FBXL7: variants seen among roughly 807,000 people sequenced by gnomAD.
FBXL7 encodes F-box/LRR-repeat protein 7.
Under a neutral mutation model 38.3 loss-of-function variants are expected in FBXL7, and 12 were observed. The observed-to-expected ratio is 0.31, with a 90% CI of 0.20 to 0.51. FBXL7 has a LOEUF of 0.51. Ranked by LOEUF, FBXL7 falls within the 20% of genes least tolerant of loss-of-function variation. The pLI, the probability that FBXL7 is intolerant of heterozygous loss-of-function variation, is 0.98. For missense variants in FBXL7, 567 were observed against 676.4 expected (o/e 0.84, Z 1.79); for synonymous variants, 297 against 300.9 (o/e 0.99, Z 0.13).
intron 2 of FBXL7, among the ~76,000 whole-genome samples, chr5:15,852,591 C>T (rs1370570139): frequency 6.6e-6 from 1 of 151,894 alleles, no homozygotes; most frequent in Non-Finnish European, 1.5e-5. Flanking sequence ...GACATGAAAC[C>T]TTTTGGTATT....
At chr5:15,554,684 A>G (rs1022028570) in intron 1 of FBXL7, among the ~76,000 whole-genome samples, 18 of 152,172 alleles carry the variant, frequency 1.2e-4, no homozygotes, top group Admixed American at 1.1e-3. Flanking sequence ...CAGCATTTCT[A>G]CCAGACCTCC....
intron 2 of FBXL7, among the ~76,000 whole-genome samples, chr5:15,693,560 C>T (rs1482812314): frequency 6.6e-6 from 1 of 152,160 alleles, no homozygotes; most frequent in Non-Finnish European, 1.5e-5. Context: ...TGAGAATAGG[C>T]ACTCTTGTTT....
chr5:15,893,302 A>G (rs1740988131), intron 2 of FBXL7, among the ~76,000 whole-genome samples: 1 of 152,180 alleles, frequency 6.6e-6, no homozygotes, highest in South Asian at 2.1e-4. Context: ...ACAATTGGCA[A>G]ACTCTTTCAA....
chr5:15,768,969 GA>G (rs778500352), intron 2 of FBXL7, among the ~76,000 whole-genome samples: 6 of 152,322 alleles, frequency 3.9e-5, no homozygotes, highest in African/African-American at 1.4e-4. Flanking sequence ...ATGCTGTAGG[GA>G]AATGTTCCCA....
intron 2 of FBXL7, among the ~76,000 whole-genome samples, chr5:15,685,989 A>T (rs1743005278): frequency 6.6e-6 from 1 of 152,204 alleles, no homozygotes; most frequent in East Asian, 1.9e-4. Flanking sequence ...CCGGGGGGAG[A>T]CAAGCTCCAG....
chr5:15,805,730 A>T (rs1287963748), intron 2 of FBXL7, among the ~76,000 whole-genome samples: 1 of 152,196 alleles, frequency 6.6e-6, no homozygotes. Context: ...GGTATATTTA[A>T]TCACCGGATT....
At chr5:15,809,217 C>T (rs775348633) in intron 2 of FBXL7, among the ~76,000 whole-genome samples, 2 of 152,116 alleles carry the variant, frequency 1.3e-5, no homozygotes, top group Admixed American at 6.6e-5. Context: ...GGATACCTTA[C>T]CCAGATGGTT....
At chr5:15,788,854 AT>A (rs796860907) in intron 2 of FBXL7, among the ~76,000 whole-genome samples, 5,817 of 132,248 alleles carry the variant, frequency 0.044, 132 homozygotes, top group African/African-American at 0.077. Flanking sequence ...TAAGTTTTGT[AT>A]TTTTTTTTTT....
intron 2 of FBXL7, among the ~76,000 whole-genome samples, chr5:15,775,235 G>A (rs1381595583): frequency 1.3e-5 from 2 of 152,146 alleles, no homozygotes; most frequent in African/African-American, 4.8e-5. Flanking sequence ...TAGTTGAATA[G>A]CAGAAAAACA....
intron 2 of FBXL7, among the ~76,000 whole-genome samples, chr5:15,646,961 A>T (rs920585822): frequency 6.6e-6 from 1 of 152,212 alleles, no homozygotes; most frequent in Admixed American, 6.5e-5. Context: ...GTTGGCCCAA[A>T]TCACAGGAAA....
At chr5:15,892,913 C>T (rs535714312) in intron 2 of FBXL7, among the ~76,000 whole-genome samples, 15 of 152,134 alleles carry the variant, frequency 9.9e-5, no homozygotes, top group South Asian at 4.2e-4. Flanking sequence ...GTCAGGAGAT[C>T]GAGACCATCC....
At chr5:15,854,106 A>G (rs1309703410) in intron 2 of FBXL7, among the ~76,000 whole-genome samples, 2 of 152,196 alleles carry the variant, frequency 1.3e-5, no homozygotes, top group African/African-American at 2.4e-5. Context: ...TTAGAGAGAA[A>G]TGGTTATGTT....
rs572912336 is a variant in FBXL7 at position 15,609,907 on chromosome 5, C to T, written c.38-6076C>T. The stretch of plus-strand genomic sequence containing the variant: ...TTTTTGCGCTGCTGATAAAGACATA[C>T]GTGAGACGGTAATTTACAAAGAAAA... On this transcript the variant is annotated intron_variant, in intron 1 of 3. Coordinates refer to ENST00000504595, the MANE Select transcript of FBXL7 (RefSeq NM_012304.5). Among the ~76,000 whole-genome samples the T allele has an allele frequency of 2.6e-3, 399 of 152,264 alleles. 3 individuals carry two copies. Among genetic ancestry groups the T allele is most frequent in the Non-Finnish European group, 4.7e-3 (322 of 68,024 alleles).
chr5:15,569,703 T>C (rs1251529723), intron 1 of FBXL7, among the ~76,000 whole-genome samples: 3 of 152,176 alleles, frequency 2.0e-5, no homozygotes, highest in Non-Finnish European at 4.4e-5. Context: ...TTTTTGTCCA[T>C]TCAGTATGAT....
chr5:15,593,769 A>T (rs1399067706), intron 1 of FBXL7, among the ~76,000 whole-genome samples: 3 of 152,100 alleles, frequency 2.0e-5, no homozygotes, highest in Admixed American at 2.0e-4. Context: ...TGCTGAATAT[A>T]TGCTATTTCT....
chr5:15,614,274 CTTTTT>C (rs375128237), intron 1 of FBXL7, among the ~76,000 whole-genome samples: 22,981 of 126,496 alleles, frequency 0.18, 1,885 homozygotes, highest in Non-Finnish European at 0.21. Context: ...CTTTTCTTTT[CTTTTT>C]TTTTTTTTGA....
chr5:15,801,350 A>T (rs1035684846), intron 2 of FBXL7, among the ~76,000 whole-genome samples: 1 of 152,220 alleles, frequency 6.6e-6, no homozygotes, highest in African/African-American at 2.4e-5. Context: ...GGGCTACTGT[A>T]TTTAAAAGGA....
intron 2 of FBXL7, among the ~76,000 whole-genome samples, chr5:15,654,188 A>G (rs969246141): frequency 5.9e-5 from 9 of 152,196 alleles, no homozygotes; most frequent in Admixed American, 1.3e-4. Context: ...ACTCTAGGGC[A>G]AAGGTGCATA....
At chr5:15,781,244 A>C (rs985228113) in intron 2 of FBXL7, among the ~76,000 whole-genome samples, 1 of 152,158 alleles carries the variant, frequency 6.6e-6, no homozygotes, top group Non-Finnish European at 1.5e-5. Flanking sequence ...AATAATTGGA[A>C]AATTGAAGCA....
Sources: gnomAD v4.1 joint callset for allele counts (sites outside exome capture counted in the v4.1 genomes callset) on GRCh38, gnomAD v4.1.1 for gene constraint, MANE v1.5 for transcripts, NCBI Gene and HGNC (gene_info 2026-07-23, HGNC 2026-07-21) for gene names.